Variants in SCTR observed in about 807,000 individuals in gnomAD.
SCTR encodes pancreatic secretin receptor.
In SCTR, 56 loss-of-function variants were observed where a neutral mutation model predicts 60.8. The ratio of observed to expected loss-of-function variants is 0.92; its 90% CI spans 0.74 to 1.15. The LOEUF (loss-of-function observed/expected upper bound fraction) is 1.15, where lower values mean the gene tolerates loss of function less well. Among genes scored for constraint, SCTR ranks in the 50% most tolerant of loss-of-function variants. The pLI, the probability that SCTR is intolerant of heterozygous loss-of-function variation, is 0.00. For missense variants in SCTR, 562 were observed against 550.4 expected (o/e 1.02, Z -0.21); for synonymous variants, 202 against 217.0 (o/e 0.93, Z 0.61).
intron 1 of SCTR, among the ~76,000 whole-genome samples, chr2:119,498,815 GA>G (rs1558874897): frequency 6.6e-6 from 1 of 151,798 alleles, no homozygotes; most frequent in Admixed American, 6.6e-5. Context: ...AGTAAACTAA[GA>G]AATAAAAATC....
chr2:119,493,056 CA>C (rs1316668981), intron 2 of SCTR, among the ~76,000 whole-genome samples: 12 of 151,968 alleles, frequency 7.9e-5, no homozygotes, highest in African/African-American at 2.9e-4. Context: ...GGGGTTTCAC[CA>C]TGTTGGCCAG....
chr2:119,522,203 G>A (rs1679308573), intron 1 of SCTR, among the ~76,000 whole-genome samples: 1 of 152,166 alleles, frequency 6.6e-6, no homozygotes, highest in Non-Finnish European at 1.5e-5. Flanking sequence ...GGCTGAGGCA[G>A]GAGAATCCCT....
intron 2 of SCTR, among the ~76,000 whole-genome samples, chr2:119,490,916 A>G (rs954648997): frequency 3.9e-5 from 6 of 152,184 alleles, no homozygotes; most frequent in African/African-American, 1.4e-4. Context: ...TCTCTGACTG[A>G]CAGGGCACTG....
At chr2:119,471,945 T>G (rs966480960) in intron 4 of SCTR, among the ~76,000 whole-genome samples, 4 of 152,204 alleles carry the variant, frequency 2.6e-5, no homozygotes, top group Admixed American at 6.5e-5. Flanking sequence ...CAATTGCGCA[T>G]CAAGCAGCTG....
intron 1 of SCTR, among the ~76,000 whole-genome samples, chr2:119,496,980 G>A (rs978566061): frequency 6.6e-6 from 1 of 152,132 alleles, no homozygotes; most frequent in Non-Finnish European, 1.5e-5. Flanking sequence ...GGCCAAATAG[G>A]AGCTGTAACT....
At chr2:119,475,702 T>C (rs1677251676) in intron 3 of SCTR, among the ~76,000 whole-genome samples, 1 of 147,446 alleles carries the variant, frequency 6.8e-6, no homozygotes, top group South Asian at 2.1e-4. Flanking sequence ...ATAAAATAAA[T>C]ATATATATTA....
intron 3 of SCTR, among the ~76,000 whole-genome samples, chr2:119,474,261 C>T (rs1344174528): frequency 6.6e-6 from 1 of 152,214 alleles, no homozygotes; most frequent in Non-Finnish European, 1.5e-5. Context: ...CAAACGCGGG[C>T]TGGCTGGCTG....
intron 7 of SCTR, among the ~76,000 whole-genome samples, chr2:119,457,221 T>C (rs1683409373): frequency 6.6e-6 from 1 of 151,808 alleles, no homozygotes; most frequent in South Asian, 2.1e-4. Flanking sequence ...ATGCTGGCAA[T>C]ATATATATAT....
At chr2:119,523,717 CCCTCT>C (rs1384018887) in intron 1 of SCTR, among the ~76,000 whole-genome samples, 1 of 152,084 alleles carries the variant, frequency 6.6e-6, no homozygotes, top group Admixed American at 6.6e-5. Context: ...TTTTTATTCC[CCCTCT>C]CCTCTCCTTT....
At chr2:119,517,804 G>A (rs1363483384) in intron 1 of SCTR, among the ~76,000 whole-genome samples, 1 of 152,184 alleles carries the variant, frequency 6.6e-6, no homozygotes, top group African/African-American at 2.4e-5. Context: ...GGGACAGGCT[G>A]TTGTCTGGGG....
intron 1 of SCTR, among the ~76,000 whole-genome samples, chr2:119,496,179 T>C (rs1477536545): frequency 2.0e-5 from 3 of 152,230 alleles, no homozygotes; most frequent in African/African-American, 7.2e-5. Context: ...CACCTAGAGA[T>C]TGGCAGGCAC....
Position 119,494,457 on chromosome 2 carries a change from C to G in SCTR, c.164G>C (p.Gly55Ala). ...CLQELSREQT[G>A]DLGTEQPVPG... is the part of the protein sequence containing the mutation. ...CACTGGCTGCTCCGTGCCCAGGTCT[C>G]CTGTCTGCTCTCTGGAGAGTTCCTG... The change falls in exon 2 of 13, where the codon GGA (glycine) becomes GCA (alanine). Residue 55 changes from glycine to alanine, a missense_variant. Coordinates refer to ENST00000019103, the MANE Select transcript of SCTR (RefSeq NM_002980.3). The G allele has an allele frequency of 6.2e-7, 1 of 1,614,032 alleles. No homozygotes were observed. Among genetic ancestry groups the G allele is most frequent in the Non-Finnish European group, 8.5e-7 (1 of 1,179,944 alleles).
At chr2:119,505,539 A>C (rs1188152918) in intron 1 of SCTR, among the ~76,000 whole-genome samples, 1 of 152,176 alleles carries the variant, frequency 6.6e-6, no homozygotes, top group Non-Finnish European at 1.5e-5. Context: ...AAAAATGATG[A>C]GTTCATGTCC....
chr2:119,504,732 A>G (rs1407220400), intron 1 of SCTR, among the ~76,000 whole-genome samples: 1 of 152,212 alleles, frequency 6.6e-6, no homozygotes, highest in African/African-American at 2.4e-5. Context: ...AGACACAATA[A>G]AAATTAAAAC....
intron 2 of SCTR, among the ~76,000 whole-genome samples, chr2:119,484,316 C>T (rs566670778): frequency 1.1e-4 from 16 of 152,192 alleles, no homozygotes; most frequent in South Asian, 6.2e-4. Context: ...TGGCCACCTC[C>T]GCCACCAATT....
At chr2:119,501,305 G>A (rs926123493) in intron 1 of SCTR, among the ~76,000 whole-genome samples, 1 of 152,106 alleles carries the variant, frequency 6.6e-6, no homozygotes, top group African/African-American at 2.4e-5. Flanking sequence ...AGCTACTCGG[G>A]AGGCTGAGGC....
intron 1 of SCTR, chr2:119,495,563 T>C (rs1474025715): frequency 6.6e-6 from 1 of 152,202 alleles, no homozygotes; most frequent in Admixed American, 6.5e-5. Flanking sequence ...CATTCCAAAT[T>C]GGCCCAAGTA....
At chr2:119,462,484 G>T (rs1400535757) in intron 6 of SCTR, among the ~76,000 whole-genome samples, 1 of 152,208 alleles carries the variant, frequency 6.6e-6, no homozygotes, top group Non-Finnish European at 1.5e-5. Flanking sequence ...ACTGATTATG[G>T]TAAAAATGGC....
chr2:119,471,613 C>A (rs896134333), intron 4 of SCTR, among the ~76,000 whole-genome samples: 9 of 152,192 alleles, frequency 5.9e-5, no homozygotes, highest in Admixed American at 3.3e-4. Flanking sequence ...CTCCCTTCTC[C>A]CTGAATTCTG....
Sources: allele counts gnomAD v4.1 joint callset (sites outside exome capture counted in the v4.1 genomes callset), GRCh38; gene constraint gnomAD v4.1.1; transcripts MANE v1.5; gene names NCBI Gene and HGNC (gene_info 2026-07-23, HGNC 2026-07-21).